UNC45B: variants seen among roughly 807,000 people sequenced by gnomAD.
UNC45B encodes the protein unc-45 myosin chaperone B, also known as protein unc-45 homolog B.
A neutral mutation model predicts 98.7 loss-of-function variants in UNC45B; 78 were observed. The observed-to-expected ratio is 0.79, with a 90% CI of 0.66 to 0.95. The LOEUF is 0.95. UNC45B is among the 40% of genes least tolerant of loss of function. UNC45B has a pLI of 0.00. For missense variants in UNC45B, 1,225 were observed against 1,184.9 expected, an observed-to-expected ratio of 1.03 and a Z score of -0.50; for synonymous variants, 462 against 480.4, an observed-to-expected ratio of 0.96 and a Z score of 0.50.
chr17:35,148,834 T>G lies in UNC45B; in HGVS notation c.169-139T>G. 4 of 996,866 alleles carry G rather than the reference T, an allele frequency of 4.0e-6. No individual in the cohort carries two copies. The Admixed American group carries it at 8.8e-5, about 22-fold the overall frequency. 61.8% of individuals were successfully genotyped at this position (996,866 alleles called of 1,614,324 possible). A position where few individuals can be genotyped will look rare whatever the true frequency, so the allele number is the denominator to read the frequency against. ...CAAAGCCTGTCCTCTTTGCCATGCC[T>G]GTGAGGAGCATGCCCTGGGCCTCTG... On this transcript the variant is annotated intron_variant, in intron 2 of 19. Transcript: ENST00000394570.
At chr17:35,183,326 C>CT (rs1198253943) in intron 18 of UNC45B, 101 bp from the exon 19 acceptor site, 2 of 1,322,554 alleles carry the variant, frequency 1.5e-6, no homozygotes, top group East Asian at 5.5e-5. Context: ...AAGGGAAACT[C>CT]TAAGAGATCT....
chr17:35,157,447 C>T (rs2092071833), intron 7 of UNC45B, among the ~76,000 whole-genome samples: 1 of 152,106 alleles, frequency 6.6e-6, no homozygotes, highest in African/African-American at 2.4e-5. Flanking sequence ...GGTGATCCGC[C>T]CGCCTCTGCC....
intron 13 of UNC45B, among the ~76,000 whole-genome samples, chr17:35,173,465 TA>T (rs1469066194): frequency 5.9e-5 from 9 of 152,122 alleles, no homozygotes; most frequent in African/African-American, 1.9e-4. Context: ...TCAAGAGTCC[TA>T]AAATGAGTCT....
chr17:35,173,266 T>G (rs1441872985), intron 13 of UNC45B, among the ~76,000 whole-genome samples: 3 of 151,966 alleles, frequency 2.0e-5, no homozygotes, highest in East Asian at 3.9e-4. Context: ...GCTGGGATTA[T>G]AGACACGCTC....
chr17:35,186,237 C>G, intron 19 of UNC45B, 62 bp from the exon 20 acceptor site: 1 of 1,585,290 alleles, frequency 6.3e-7, no homozygotes, highest in Non-Finnish European at 8.6e-7. Flanking sequence ...ACATTTCCAA[C>G]ACATGAACTC....
Position 35,150,077 on chromosome 17 carries a change from G to T in UNC45B, c.235G>T (p.Ala79Ser), listed in dbSNP as rs145637576. The T allele has an allele frequency of 1.6e-4, 258 of 1,611,764 alleles. No individual in the cohort carries two copies. The highest frequency in any genetic ancestry group is 2.0e-4 in the Non-Finnish European group (240 of 1,178,854). ...AIDINSSDIKALYRRCQALEH... is the reference protein window; with the variant it reads ...AIDINSSDIKSLYRRCQALEH... ...CGACATCAACTCCTCGGACATCAAG[G>T]CTCTGTATCGGCGATGCCAGGCACT... The change falls in exon 4 of 20, where the codon GCT becomes TCT. Residue 79 changes from alanine (A) to serine (S), a missense_variant. Transcript: ENST00000394570.
Position 35,169,856 on chromosome 17 carries a change from C to G in UNC45B, c.1472C>G (p.Ser491Cys). 5 of 1,614,196 alleles carry G rather than the reference C, an allele frequency of 3.1e-6. No individual in the cohort carries two copies. Among genetic ancestry groups the G allele is most frequent in the Non-Finnish European group, 4.2e-6 (5 of 1,180,044 alleles). ...RTLVGLCKLG[S>C]AGGTDYGLRQ... ...CCTCAGGGACTCTGTAAGCTCGGCT[C>G]TGCAGGTGGCACAGACTACGGTCTC... The change falls in exon 11 of 20, where the codon TCT (serine) becomes TGT (cysteine). Residue 491 changes from serine to cysteine, a missense_variant. Ser to Cys is a moderately radical substitution (Grantham distance 112, BLOSUM62 -1). Transcript: ENST00000394570.
At chr17:35,172,429 AG>A (rs1347372715) in intron 13 of UNC45B, among the ~76,000 whole-genome samples, 1 of 152,096 alleles carries the variant, frequency 6.6e-6, no homozygotes, top group Non-Finnish European at 1.5e-5. Flanking sequence ...TTGTGTTTTC[AG>A]TAGAAACAGG....
At chr17:35,179,839 G>A (rs567838559) in intron 17 of UNC45B, among the ~76,000 whole-genome samples, 6 of 152,056 alleles carry the variant, frequency 3.9e-5, no homozygotes, top group South Asian at 2.1e-4. Flanking sequence ...AACATGGCAC[G>A]CACATGTATA....
chr17:35,183,300 A>C, intron 18 of UNC45B, 127 bp from the exon 19 acceptor site: 1 of 1,056,162 alleles, frequency 9.5e-7, no homozygotes, highest in East Asian at 3.1e-5. Flanking sequence ...GGGAGGTAGC[A>C]TGAGTGACCT....
At chr17:35,157,141 A>G (rs2092068938) in intron 7 of UNC45B, among the ~76,000 whole-genome samples, 1 of 152,104 alleles carries the variant, frequency 6.6e-6, no homozygotes, top group East Asian at 1.9e-4. Flanking sequence ...ATATTATTGG[A>G]GATTCCAGTT....
At chr17:35,182,379 G>A (rs963930475) in intron 18 of UNC45B, among the ~76,000 whole-genome samples, 4 of 145,674 alleles carry the variant, frequency 2.7e-5, no homozygotes, top group Non-Finnish European at 4.5e-5. Context: ...GTGAGCCACC[G>A]CGCCCGGCCG....
In UNC45B at chr17:35,148,868, C is replaced by T. The variant is rs2091995757; in HGVS notation, c.169-105C>T. The T allele has an allele frequency of 7.1e-6, 10 of 1,402,928 alleles. 1 individual carries two copies. Among genetic ancestry groups the T allele is most frequent in the Middle Eastern group, 1.8e-4 (1 of 5,566 alleles). The allele number at this position is 1,402,928 out of a possible 1,614,324, so 86.9% of individuals were successfully genotyped here. ...CATGCCCTGGGCCTCTGACAGCCTGCAGCTCCCCCAGGAAACCCTCTCCCC... is the reference window on the plus strand; with the variant it reads ...CATGCCCTGGGCCTCTGACAGCCTGTAGCTCCCCCAGGAAACCCTCTCCCC... On this transcript the variant is annotated intron_variant, in intron 2 of 19. Coordinates refer to ENST00000394570, the MANE Select transcript of UNC45B (RefSeq NM_001267052.2).
intron 18 of UNC45B, among the ~76,000 whole-genome samples, chr17:35,181,220 A>G (rs2092271347): frequency 6.6e-6 from 1 of 152,248 alleles, no homozygotes; most frequent in Admixed American, 6.5e-5. Flanking sequence ...AATTCAGAAC[A>G]TGCCGTAGGC....
chr17:35,180,699 A>C (rs2142599179), intron 18 of UNC45B, 23 bp downstream of exon 18: 1 of 1,598,956 alleles, frequency 6.3e-7, no homozygotes, highest in African/African-American at 1.3e-5. Context: ...CTCAGGATGG[A>C]GACCCGGGCG....
At chr17:35,161,103 T>C (rs2092099399) in intron 8 of UNC45B, among the ~76,000 whole-genome samples, 2 of 152,220 alleles carry the variant, frequency 1.3e-5, no homozygotes, top group South Asian at 4.1e-4. Flanking sequence ...ACATATGTCA[T>C]GAAACGTGAG....
intron 17 of UNC45B, 71 bp downstream of exon 17, chr17:35,177,681 T>A (rs1052716109): frequency 8.6e-7 from 1 of 1,168,456 alleles, no homozygotes; most frequent in Non-Finnish European, 1.2e-6. Context: ...TTTCACATAA[T>A]GTGCTGAGAA....
At chr17:35,180,246 T>A (rs1484806025) in intron 17 of UNC45B, among the ~76,000 whole-genome samples, 1 of 114,976 alleles carries the variant, frequency 8.7e-6, no homozygotes, top group Non-Finnish European at 1.9e-5. Flanking sequence ...TGGATCTACA[T>A]CCAGGATGAG....
chr17:35,173,814 A>ATTTTTT (rs34777618), intron 13 of UNC45B, among the ~76,000 whole-genome samples: 4 of 136,634 alleles, frequency 2.9e-5, no homozygotes, highest in Non-Finnish European at 4.7e-5. Flanking sequence ...TAGGCCATGG[A>ATTTTTT]TTTTTTTTTT....
Sources: allele counts gnomAD v4.1 joint callset (sites outside exome capture counted in the v4.1 genomes callset), GRCh38; gene constraint gnomAD v4.1.1; transcripts MANE v1.5; gene names NCBI Gene and HGNC (gene_info 2026-07-23, HGNC 2026-07-21).